Variants in CERK observed in about 807,000 individuals in gnomAD.
CERK encodes acylsphingosine kinase.
In CERK, 39 loss-of-function variants were observed where a neutral mutation model predicts 63.4. The ratio of observed to expected loss-of-function variants is 0.61; its 90% CI spans 0.48 to 0.80. The LOEUF is 0.80. CERK is among the 30% of genes least tolerant of loss of function. The probability of loss-of-function intolerance (pLI) is 0.00; values close to 1 mark genes in which losing one functional copy is unlikely to be tolerated. For synonymous variants in CERK, 302 were observed against 280.0 expected, an observed-to-expected ratio of 1.08 and a Z score of -0.78; for missense variants, 670 against 714.1, an observed-to-expected ratio of 0.94 and a Z score of 0.70.
chr22:46,737,306 A>C (rs1569333381), intron 1 of CERK, among the ~76,000 whole-genome samples: 1 of 141,266 alleles, frequency 7.1e-6, no homozygotes, highest in Non-Finnish European at 1.5e-5. Context: ...AAAAAAAAAA[A>C]CAAAAAACAA....
At chr22:46,716,940 CA>C (rs61597066) in intron 3 of CERK, among the ~76,000 whole-genome samples, 13 of 138,974 alleles carry the variant, frequency 9.4e-5, no homozygotes, top group Admixed American at 7.3e-5. Flanking sequence ...GTCCCCCCAC[CA>C]AAAAAAAAAG....
Position 46,737,931 on chromosome 22 carries a change from CCCCCCAGCCGGGT to C in CERK, c.142+63_142+75del, listed in dbSNP as rs1271546080. 68 of 1,008,214 alleles carry C rather than the reference CCCCCCAGCCGGGT, an allele frequency of 6.7e-5. 1 individual carries two copies. The East Asian group carries it at 2.3e-3, about 34-fold the overall frequency. 62.5% of individuals were successfully genotyped at this position (1,008,214 alleles called of 1,614,324 possible). On this transcript the variant is annotated intron_variant, in intron 1 of 12. Transcript: ENST00000216264. Reference sequence around the variant, plus strand: ...CAGCCGCTCGCTCCCTGCACCCGGTCCCCCCAGCCGGGTCCCCCAAGCCGCCCCCGCTCCCTGG... The same window carrying C: ...CAGCCGCTCGCTCCCTGCACCCGGTCCCCCCAAGCCGCCCCCGCTCCCTGG...
chr22:46,721,050 C>A, intron 1 of CERK, 35 bp from the exon 2 acceptor site: 1 of 1,345,910 alleles, frequency 7.4e-7, no homozygotes, highest in South Asian at 1.2e-5. Flanking sequence ...TCAAAGAATT[C>A]GTCAGAATCC....
chr22:46,734,813 T>C (rs547256265), intron 1 of CERK, among the ~76,000 whole-genome samples: 2 of 152,374 alleles, frequency 1.3e-5, no homozygotes, highest in African/African-American at 4.8e-5. Context: ...TTTTTGTGTA[T>C]GCTTTTCTGT....
intron 6 of CERK, among the ~76,000 whole-genome samples, chr22:46,702,223 A>ATGTGTG (rs34222392): frequency 0.012 from 1,028 of 84,714 alleles, 9 homozygotes; most frequent in Non-Finnish European, 0.017. Context: ...AAATATATAT[A>ATGTGTG]TGTGTGTGTG....
At chr22:46,719,194 T>TA (rs1569327461) in intron 3 of CERK, among the ~76,000 whole-genome samples, 20 of 148,388 alleles carry the variant, frequency 1.3e-4, no homozygotes, top group African/African-American at 3.9e-4. Context: ...TTCCTTTTTT[T>TA]AAACTTTTAA....
Position 46,686,180 on chromosome 22 carries a change from G to A in CERK, c.*954C>T, listed in dbSNP as rs940350567. The A allele has an allele frequency of 6.6e-6, 1 of 152,164 alleles. No homozygotes were observed. The highest frequency in any genetic ancestry group is 2.4e-5 in the African/African-American group (1 of 41,420). The allele number at this position is 152,164 out of a possible 1,614,324, so 9.4% of individuals were successfully genotyped here. ...ACACTACTCTGGCTTAAAAGGACAAGATGTTCAATAAATATAGAGAACTCA... is the reference window on the plus strand; with the variant it reads ...ACACTACTCTGGCTTAAAAGGACAAAATGTTCAATAAATATAGAGAACTCA... On this transcript the variant is annotated 3_prime_UTR_variant, in exon 13 of 13. Coordinates refer to ENST00000216264, the MANE Select transcript of CERK (RefSeq NM_022766.6).
chr22:46,708,015 GCTCCTGCAGGTGCGGCCCT>G, intron 5 of CERK, 27 bp from the exon 6 acceptor site: 1 of 1,580,098 alleles, frequency 6.3e-7, no homozygotes, highest in Non-Finnish European at 8.6e-7. Flanking sequence ...GCCGGTCAGG[GCTCCTGCAGGTGCGGCCCT>G]CTGAGCGCAG....
At chr22:46,693,832 C>G (rs1192390754) in intron 9 of CERK, 2 of 359,280 alleles carry the variant, frequency 5.6e-6, no homozygotes, top group Non-Finnish European at 1.1e-5. Context: ...ACTGGTTCCC[C>G]CAGCGGACTC....
intron 8 of CERK, among the ~76,000 whole-genome samples, 167 bp downstream of exon 8, chr22:46,699,146 C>A (rs1250074846): frequency 6.6e-6 from 1 of 152,114 alleles, no homozygotes; most frequent in African/African-American, 2.4e-5. Context: ...CCAGTCCAGA[C>A]CCTGCCACGT....
intron 7 of CERK, among the ~76,000 whole-genome samples, chr22:46,700,593 A>G (rs2082778624): frequency 1.3e-5 from 2 of 152,162 alleles, no homozygotes; most frequent in Non-Finnish European, 2.9e-5. Context: ...CACTTCTGCA[A>G]TCTCAGCTAC....
At position 46,686,397 on chromosome 22, in the gene CERK, TAACA is replaced by T. The variant is rs1168695666; in HGVS notation, c.*733_*736del. On this transcript the variant is annotated 3_prime_UTR_variant, in exon 13 of 13. Coordinates refer to ENST00000216264, the MANE Select transcript of CERK (RefSeq NM_022766.6). Reference sequence around the variant, plus strand: ...GCATTGGTATTTGACATTTTAACAGTAACAAACTTGCCAGTGCTTTACACACTGC... The same window carrying T: ...GCATTGGTATTTGACATTTTAACAGTAACTTGCCAGTGCTTTACACACTGC... 2.0e-5 allele frequency: 3 copies of T among 152,246 alleles called. No individual in the cohort carries two copies. The highest frequency in any genetic ancestry group is 7.2e-5 in the African/African-American group (3 of 41,454). The allele number at this position is 152,246 out of a possible 1,614,324, so 9.4% of individuals were successfully genotyped here.
In CERK at chr22:46,695,288, C is replaced by T. The variant is rs781190421; in HGVS notation, c.971G>A (p.Cys324Tyr). ...SGLKTFLSHH[C>Y]YEGTVSFLPA... ...GAGGAAGGACACTGTCCCTTCATAGCAGTGGTGGGAGAGGAAGGTCTTTAA... is the reference window on the plus strand; with the variant it reads ...GAGGAAGGACACTGTCCCTTCATAGTAGTGGTGGGAGAGGAAGGTCTTTAA... Residue 324 changes from cysteine (C) to tyrosine (Y), a missense_variant, in exon 9 of 13, where the codon TGC becomes TAC. Cys to Tyr is a radical substitution (Grantham distance 194). Coordinates refer to ENST00000216264, the MANE Select transcript of CERK (RefSeq NM_022766.6). 4 of 1,610,648 alleles carry T rather than the reference C, an allele frequency of 2.5e-6. No homozygotes were observed. The highest frequency in any genetic ancestry group is 3.4e-6 in the Non-Finnish European group (4 of 1,176,774).
chr22:46,711,246 C>T, intron 4 of CERK, 97 bp from the exon 5 acceptor site: 4 of 870,372 alleles, frequency 4.6e-6, no homozygotes, highest in South Asian at 4.1e-5. Context: ...GTTCCTGTAA[C>T]ACCTTCAGGC....
intron 8 of CERK, among the ~76,000 whole-genome samples, chr22:46,696,752 C>T (rs928237838): frequency 3.3e-5 from 5 of 152,210 alleles, no homozygotes; most frequent in Non-Finnish European, 5.9e-5. Flanking sequence ...GATCCAGAGA[C>T]CCGGAAGGCG....
intron 7 of CERK, 50 bp downstream of exon 7, chr22:46,701,586 G>A (rs371812731): frequency 2.7e-6 from 4 of 1,477,010 alleles, no homozygotes; most frequent in Non-Finnish European, 3.7e-6. Context: ...AGGCCTGGGG[G>A]CGCAGGAGGC....
At chr22:46,727,205 T>C (rs1021997851) in intron 1 of CERK, among the ~76,000 whole-genome samples, 5 of 152,046 alleles carry the variant, frequency 3.3e-5, no homozygotes, top group African/African-American at 1.2e-4. Context: ...CTGCCAATCA[T>C]AACTTACTGC....
intron 3 of CERK, among the ~76,000 whole-genome samples, chr22:46,717,813 A>G (rs1454137220): frequency 1.3e-5 from 2 of 152,208 alleles, no homozygotes; most frequent in Non-Finnish European, 2.9e-5. Context: ...GACAAATACT[A>G]AAACAGCCTG....
rs1055767827 is a variant in CERK, at chr22:46,686,077, C to T, written c.*1057G>A. ...CTTCCGGGAAGAATCCTCTGGTCGC[C>T]GGAGCCCTCGCGCTGCAGAGGAAAC... is the stretch of plus-strand genomic sequence containing the variant. On this transcript the variant is annotated 3_prime_UTR_variant, in exon 13 of 13. Coordinates refer to ENST00000216264, the MANE Select transcript of CERK (RefSeq NM_022766.6). 3.3e-5 allele frequency: 5 copies of T among 152,188 alleles called. No homozygotes were observed. Among genetic ancestry groups the T allele is most frequent in the African/African-American group, 1.2e-4 (5 of 41,436 alleles). The allele number at this position is 152,188 out of a possible 1,614,324, so 9.4% of individuals were successfully genotyped here.
Sources: allele counts gnomAD v4.1 joint callset (sites outside exome capture counted in the v4.1 genomes callset), GRCh38; gene constraint gnomAD v4.1.1; transcripts MANE v1.5; gene names NCBI Gene and HGNC (gene_info 2026-07-23, HGNC 2026-07-21).